MCM3AP: variants seen among roughly 807,000 people sequenced by gnomAD.
MCM3AP encodes minichromosome maintenance complex component 3 associated protein.
MCM3AP carries 126 observed loss-of-function variants against 184.1 expected under a neutral mutation model. The observed-to-expected ratio is 0.68, with a 90% CI of 0.59 to 0.79. The LOEUF is 0.79. Ranked by LOEUF, MCM3AP falls within the 30% of genes least tolerant of loss-of-function variation. The pLI, the probability that MCM3AP is intolerant of heterozygous loss-of-function variation, is 0.00. For missense variants in MCM3AP, 2,496 were observed against 2,479.2 expected, an observed-to-expected ratio of 1.01 and a Z score of -0.14; for synonymous variants, 1,002 against 979.3, an observed-to-expected ratio of 1.02 and a Z score of -0.43.
rs2081367619 is a variant in MCM3AP, at chr21:46,284,074, T to G, written c.1213A>C (p.Lys405Gln). 1 of 1,610,432 alleles carries G rather than the reference T, an allele frequency of 6.2e-7. No homozygotes were observed. The highest frequency in any genetic ancestry group is 8.5e-7 in the Non-Finnish European group (1 of 1,177,946). ...KEEETESREKKEDSLRGTPAR... is the reference protein window; with the variant it reads ...KEEETESREKQEDSLRGTPAR... Reference sequence around the variant, plus strand: ...CTACATTTTCAGAGCTCACCTTCTTTCTTCTCTCTACTTTCAGTTTCTTCC... The same window carrying G: ...CTACATTTTCAGAGCTCACCTTCTTGCTTCTCTCTACTTTCAGTTTCTTCC... The change falls in exon 1 of 28, where the codon AAA (lysine) becomes CAA (glutamine). Residue 405 changes from lysine to glutamine, a missense_variant. Physicochemically the swap from Lys to Gln is moderately conservative, Grantham distance 53. This residue lies in a region of MCM3AP where 800 missense variants were observed against 717.1 expected (regional missense o/e 1.12). Coordinates refer to ENST00000291688, the MANE Select transcript of MCM3AP (RefSeq NM_003906.5).
chr21:46,254,275 A>G (rs2080913785), intron 19 of MCM3AP, 117 bp downstream of exon 19: 2 of 1,089,014 alleles, frequency 1.8e-6, no homozygotes, highest in South Asian at 2.9e-5. Flanking sequence ...GCATTAAAAC[A>G]TAAACCTACA....
chr21:46,267,199 C>G lies in MCM3AP; in HGVS notation c.2629-57G>C. The G allele has an allele frequency of 1.3e-6, 2 of 1,539,560 alleles. 1 individual carries two copies. The highest frequency in any genetic ancestry group is 1.8e-6 in the Non-Finnish European group (2 of 1,131,688). On this transcript the variant is annotated intron_variant, in intron 9 of 27. Coordinates refer to ENST00000291688, the MANE Select transcript of MCM3AP (RefSeq NM_003906.5). ...AGACGAAGGCCCAGTCAGACACATG[C>G]AGTCAGCCCATGACCACAGCCATGG... is the stretch of plus-strand genomic sequence containing the variant.
In MCM3AP at chr21:46,258,951, T is replaced by G; in HGVS notation, c.3722A>C (p.Lys1241Thr). The change falls in exon 16 of 28, where the codon AAG becomes ACG. Residue 1241 changes from lysine to threonine, a missense_variant. Transcript: ENST00000291688. Reference protein sequence around the residue: ...ETLQELQCFCKYLQRWREAVT... With the variant: ...ETLQELQCFCTYLQRWREAVT... ...ACACAGGACTCACCGCTGTAGATACTTGCAGAAGCACTGAAGCTCCTGGAG... is the reference window on the plus strand; with the variant it reads ...ACACAGGACTCACCGCTGTAGATACGTGCAGAAGCACTGAAGCTCCTGGAG... 2 of 1,614,178 alleles carry G rather than the reference T, an allele frequency of 1.2e-6. No individual in the cohort carries two copies. The highest frequency in any genetic ancestry group is 1.7e-6 in the Non-Finnish European group (2 of 1,180,028).
At chr21:46,251,417 T>A (rs1430409801) in intron 20 of MCM3AP, 112 bp downstream of exon 20, 6 of 869,308 alleles carry the variant, frequency 6.9e-6, no homozygotes, top group African/African-American at 1.7e-5. Flanking sequence ...AGCCTCCCAG[T>A]CTTTCAAAAC....
rs1237964965 is a variant in MCM3AP, at chr21:46,266,093, T to A, written c.2863A>T (p.Thr955Ser). ...CCGACTGACACCGTCAGCTTCCTAG[T>A]AATAAACACCGACTTCCTGGTCTTG... ...LSKTRKSVFI[T>S]RKLTVSVGEI... Residue 955 changes from threonine (T) to serine (S), a missense_variant, in exon 11 of 28, where the codon ACT becomes TCT. Coordinates refer to ENST00000291688, the MANE Select transcript of MCM3AP (RefSeq NM_003906.5). 1.2e-6 allele frequency: 2 copies of A among 1,612,436 alleles called. No homozygotes were observed.
chr21:46,275,387 G>A (rs1335706470), intron 5 of MCM3AP, 62 bp from the exon 6 acceptor site: 2 of 1,375,552 alleles, frequency 1.5e-6, no homozygotes, highest in East Asian at 2.5e-5. Flanking sequence ...CTACAGAAGT[G>A]TATTCTCATA....
At chr21:46,274,938 CAAAAAAAAAAAAA>C (rs35282554) in intron 6 of MCM3AP, among the ~76,000 whole-genome samples, 2 of 97,034 alleles carry the variant, frequency 2.1e-5, no homozygotes, top group Admixed American at 1.2e-4. Flanking sequence ...GACCCTGTCT[CAAAAAAAAAAAAA>C]AAAAAAAAGA....
At position 46,261,383 on chromosome 21, in the gene MCM3AP, A is replaced by T. The variant is rs1468830740; in HGVS notation, c.3364T>A (p.Leu1122Ile). 6.2e-7 allele frequency: 1 copy of T among 1,614,158 alleles called. No individual in the cohort carries two copies. The highest frequency in any genetic ancestry group is 2.2e-5 in the East Asian group (1 of 44,880). ...GVSNAAMEDL[L>I]TAATTGILRH... is the part of the protein sequence containing the mutation. ...AAAATGCCCGTGGTTGCAGCTGTTA[A>T]CAAATCCTCCATAGCAGCATTAGAA... Residue 1122 changes from leucine (L) to isoleucine (I), a missense_variant, in exon 14 of 28, where the codon TTA becomes ATA. Leu to Ile is a conservative substitution (Grantham distance 5). This residue lies in a region of MCM3AP where 1,323 missense variants were observed against 1,273.4 expected (regional missense o/e 1.04). Transcript: ENST00000291688.
intron 14 of MCM3AP, 48 bp from the exon 15 acceptor site, chr21:46,260,954 A>AT (rs2081033616): frequency 1.4e-6 from 2 of 1,428,106 alleles, no homozygotes; most frequent in Non-Finnish European, 2.0e-6. Context: ...AAGAATAAAA[A>AT]TAAGTGCTGT....
At chr21:46,236,767 C>T (rs1176717632) in intron 27 of MCM3AP, 62 bp downstream of exon 27, 8 of 1,153,208 alleles carry the variant, frequency 6.9e-6, no homozygotes, top group Admixed American at 2.8e-5. Context: ...TTACTTTTTT[C>T]CCCAGCCATT....
In MCM3AP at chr21:46,246,874, C is replaced by T. The variant is rs115316083; in HGVS notation, c.4303G>A (p.Ala1435Thr). The T allele has an allele frequency of 1.5e-4, 249 of 1,613,532 alleles. No homozygotes were observed. The African/African-American group carries it at 2.0e-3, about 13-fold the overall frequency. ...VNVCIKVAHG[A>T]LSDGAIDAVE... Reference sequence around the variant, plus strand: ...GCATCAATGGCACCATCACTGAGGGCGCCATGGGCCACCTGCAACAGCATC... The same window carrying T: ...GCATCAATGGCACCATCACTGAGGGTGCCATGGGCCACCTGCAACAGCATC... The change falls in exon 21 of 28, where the codon GCC becomes ACC. Residue 1435 changes from alanine (A) to threonine (T), a missense_variant. Physicochemically the swap from Ala to Thr is moderately conservative, Grantham distance 58 (BLOSUM62 0). Around this residue, in one of 5 missense-constraint regions of MCM3AP, gnomAD observed 1,323 missense variants for 1,273.4 expected, o/e 1.04. Transcript: ENST00000291688.
intron 9 of MCM3AP, chr21:46,267,429 G>A (rs946305732): frequency 7.9e-6 from 3 of 379,458 alleles, no homozygotes; most frequent in Non-Finnish European, 1.5e-5. Context: ...CCATCAACAA[G>A]ACCAGGTGAA....
In MCM3AP at chr21:46,235,545, TAC is replaced by T. The variant is rs768811500; in HGVS notation, c.5785-121_5785-120del. The T allele has an allele frequency of 1.8e-4, 142 of 801,892 alleles. No homozygotes were observed. The East Asian group carries it at 3.1e-3, about 17-fold the overall frequency. The allele number at this position is 801,892 out of a possible 1,614,324, so 49.7% of individuals were successfully genotyped here. ...CCTCATCTGAGTAGTCATTTATTTT[TAC>T]AGAGGGAAAAAAATTATCCTTTGTA... is the stretch of plus-strand genomic sequence containing the variant. On this transcript the variant is annotated intron_variant, in intron 27 of 27. Transcript: ENST00000291688.
chr21:46,246,255 A>G (rs2080766239), intron 22 of MCM3AP, 52 bp downstream of exon 22: 7 of 1,140,128 alleles, frequency 6.1e-6, no homozygotes, highest in Non-Finnish European at 8.0e-6. Context: ...ATACAGCAAA[A>G]GGGGAAAAAA....
In MCM3AP at chr21:46,265,357, T is replaced by C. The variant is rs757860643; in HGVS notation, c.3198A>G (p.Pro1066=). The change falls in exon 12 of 28, where the codon CCA becomes CCG. Residue 1066 remains proline, a synonymous_variant. Coordinates refer to ENST00000291688, the MANE Select transcript of MCM3AP (RefSeq NM_003906.5). ...ACATGGGCACGGGCTCTGGAGGCGGTGGTTCAGGCTGCACAGACAGCTGGA... is the reference window on the plus strand; with the variant it reads ...ACATGGGCACGGGCTCTGGAGGCGGCGGTTCAGGCTGCACAGACAGCTGGA... ...SLFQLSVQPE[P]PPPEPVPMYS... 1.9e-6 allele frequency: 3 copies of C among 1,613,478 alleles called. No homozygotes were observed. In the African/African-American group the frequency reaches 4.0e-5, roughly 22 times the overall value.
At chr21:46,281,480 G>A (rs1023797391) in intron 2 of MCM3AP, among the ~76,000 whole-genome samples, 1 of 152,106 alleles carries the variant, frequency 6.6e-6, no homozygotes, top group Non-Finnish European at 1.5e-5. Flanking sequence ...AATATTTAAG[G>A]TTCAGCTGGG....
chr21:46,242,997 A>C lies in MCM3AP; in HGVS notation c.5297-66T>G, dbSNP rs74275973. On this transcript the variant is annotated intron_variant, in intron 24 of 27. Transcript: ENST00000291688. ...GCCAACCCTGTCTCAAAAAAAAAAA[A>C]AACACACACAAAAAAACAAAAACAG... is the stretch of plus-strand genomic sequence containing the variant. 102 of 1,389,666 alleles carry C rather than the reference A, an allele frequency of 7.3e-5. No homozygotes were observed. The East Asian group carries it at 1.6e-3, about 22-fold the overall frequency. 86.1% of individuals were successfully genotyped at this position (1,389,666 alleles called of 1,614,324 possible).
chr21:46,237,441 G>GCTAGGCATCA (rs1340171549), intron 26 of MCM3AP, among the ~76,000 whole-genome samples: 1 of 54,360 alleles, frequency 1.8e-5, no homozygotes, highest in Non-Finnish European at 3.8e-5. Context: ...GTCTCGCTCT[G>GCTAGGCATCA]TTGGCCAGGC....
intron 26 of MCM3AP, among the ~76,000 whole-genome samples, chr21:46,240,439 C>T (rs1376002499): frequency 1.3e-5 from 2 of 152,134 alleles, no homozygotes; most frequent in Admixed American, 6.5e-5. Flanking sequence ...CCTGTCCATT[C>T]ACAGCATGGG....
Sources: allele counts gnomAD v4.1 joint callset (sites outside exome capture counted in the v4.1 genomes callset), GRCh38; gene constraint gnomAD v4.1.1; regional missense constraint gnomAD v4.1.1; transcripts MANE v1.5; gene names NCBI Gene and HGNC (gene_info 2026-07-23, HGNC 2026-07-21).